SV2B: variants seen among roughly 807,000 people sequenced by gnomAD.
SV2B encodes synaptic vesicle glycoprotein 2B.
In SV2B, 41 loss-of-function variants were observed where a neutral mutation model predicts 73.9. That is an observed-to-expected ratio of 0.56 (90% CI 0.43 to 0.72). SV2B has a LOEUF of 0.72. SV2B is among the 30% of genes least tolerant of loss of function. The probability of loss-of-function intolerance (pLI) is 0.00; values close to 1 mark genes in which losing one functional copy is unlikely to be tolerated. For missense variants in SV2B, 764 were observed against 857.8 expected, an observed-to-expected ratio of 0.89 and a Z score of 1.37; for synonymous variants, 314 against 314.2, an observed-to-expected ratio of 1.00 and a Z score of 0.01.
At position 91,281,832 on chromosome 15, in the gene SV2B, C is replaced by T. The variant is rs1401913413; in HGVS notation, c.1478C>T (p.Thr493Ile). ...TSTDTYFKNC[T>I]IESTIFYNTD... ...ACAGATACCTACTTCAAAAATTGTA[C>T]CATTGAATCAACCATCTTTTACAAC... The change falls in exon 10 of 13, where the codon ACC (threonine) becomes ATC (isoleucine). Residue 493 changes from threonine (T) to isoleucine (I), a missense_variant. Transcript: ENST00000394232. This position sits in a 1 kb window ranked among gnomAD's most constrained non-coding sequence, Gnocchi z 4.7. The T allele has an allele frequency of 6.2e-7, 1 of 1,612,664 alleles. No individual in the cohort carries two copies.
At chr15:91,178,568 G>A (rs1043785920) in intron 1 of SV2B, among the ~76,000 whole-genome samples, 1 of 152,162 alleles carries the variant, frequency 6.6e-6, no homozygotes, top group Non-Finnish European at 1.5e-5. Flanking sequence ...CACAATTTCA[G>A]ATCCTGTTAT....
intron 1 of SV2B, among the ~76,000 whole-genome samples, chr15:91,188,470 C>T (rs560253500): frequency 2.6e-5 from 4 of 152,138 alleles, no homozygotes; most frequent in South Asian, 2.1e-4. Flanking sequence ...CCTGCCACCA[C>T]GCCTGGCTAA....
In SV2B at chr15:91,124,777, C is replaced by T. The variant is rs2042429655; in HGVS notation, c.-392+24414C>T. ...CAAGCGATTCTTGAGCCTCAGCATC[C>T]CAAGTAACTGGGACTACAGGCATGA... is the stretch of plus-strand genomic sequence containing the variant. On this transcript the variant is annotated intron_variant, in intron 1 of 12. Coordinates refer to ENST00000394232, the MANE Select transcript of SV2B (RefSeq NM_001323032.3). This position sits in a 1 kb window ranked among gnomAD's most constrained non-coding sequence, Gnocchi z 4.6. Among the ~76,000 whole-genome samples the T allele has an allele frequency of 6.6e-6, 1 of 152,092 alleles. No homozygotes were observed. Among genetic ancestry groups the T allele is most frequent in the Non-Finnish European group, 1.5e-5 (1 of 68,026 alleles).
chr15:91,133,854 A>G (rs767845947), intron 1 of SV2B, among the ~76,000 whole-genome samples: 20 of 152,090 alleles, frequency 1.3e-4, no homozygotes, highest in Non-Finnish European at 2.2e-4. Context: ...CAGTGCACTT[A>G]TGGTGATCAC....
intron 1 of SV2B, among the ~76,000 whole-genome samples, chr15:91,179,494 G>A (rs1596531635): frequency 6.6e-6 from 1 of 152,206 alleles, no homozygotes; most frequent in Non-Finnish European, 1.5e-5. Context: ...ACAGTGGGCT[G>A]TTAAAGTTTC....
At chr15:91,174,942 A>T (rs917541477) in intron 1 of SV2B, among the ~76,000 whole-genome samples, 1 of 152,162 alleles carries the variant, frequency 6.6e-6, no homozygotes. Flanking sequence ...CATAGAAGAG[A>T]TGCCAAGGGG....
intron 1 of SV2B, among the ~76,000 whole-genome samples, chr15:91,213,052 C>A (rs2141433273): frequency 6.6e-6 from 1 of 151,512 alleles, no homozygotes; most frequent in South Asian, 2.1e-4. Context: ...GCTTGGGAGG[C>A]TGAGGCAAGA....
chr15:91,181,357 T>C (rs868234206), intron 1 of SV2B, among the ~76,000 whole-genome samples: 1 of 152,120 alleles, frequency 6.6e-6, no homozygotes, highest in African/African-American at 2.4e-5. Context: ...AGGGACCCAC[T>C]TGAGGAGGCA....
In SV2B at chr15:91,199,659, T is replaced by C. The variant is rs555823944; in HGVS notation, c.-391-26214T>C. 2.6e-5 allele frequency among the ~76,000 whole-genome samples: 4 copies of C among 152,182 alleles called. No individual in the cohort carries two copies. The South Asian group carries it at 8.3e-4, about 32-fold the overall frequency. On this transcript the variant is annotated intron_variant, in intron 1 of 12. Transcript: ENST00000394232. ...GCCGTTGAAGCAGAATCACAGGTAG[T>C]AGGAGCTGAGAGGGACCATCAGGAG... is the stretch of plus-strand genomic sequence containing the variant.
At chr15:91,187,362 A>G (rs1375966900) in intron 1 of SV2B, among the ~76,000 whole-genome samples, 4 of 152,202 alleles carry the variant, frequency 2.6e-5, no homozygotes, top group Admixed American at 6.5e-5. Flanking sequence ...CTCACATTTA[A>G]TCGATAATTT....
In SV2B at chr15:91,137,972, T is replaced by G. The variant is rs2042892928; in HGVS notation, c.-392+37609T>G. Among the ~76,000 whole-genome samples, 1 of 152,002 alleles carries G rather than the reference T, an allele frequency of 6.6e-6. No homozygotes were observed. The highest frequency in any genetic ancestry group is 1.5e-5 in the Non-Finnish European group (1 of 68,008). ...TTATAGAAGTATTCCAGCTGACAAA[T>G]GAAAAAACAGTGACAGAATTGGAAT... On this transcript the variant is annotated intron_variant, in intron 1 of 12. Transcript: ENST00000394232. This position sits in a 1 kb window ranked among gnomAD's most constrained non-coding sequence, Gnocchi z 4.9.
intron 1 of SV2B, among the ~76,000 whole-genome samples, chr15:91,168,960 T>C (rs1363893819): frequency 6.6e-6 from 1 of 152,238 alleles, no homozygotes; most frequent in Non-Finnish European, 1.5e-5. Flanking sequence ...GTGATTCTTC[T>C]TATCTGCAGA....
intron 2 of SV2B, among the ~76,000 whole-genome samples, chr15:91,228,034 A>AT (rs1486196619): frequency 5.3e-5 from 8 of 152,226 alleles, no homozygotes; most frequent in Non-Finnish European, 1.2e-4. Context: ...AGTGGGCCAG[A>AT]TTTAGCCTGC....
chr15:91,233,105 C>T lies in SV2B; in HGVS notation c.451+6391C>T, dbSNP rs530621560. On this transcript the variant is annotated intron_variant, in intron 2 of 12. Coordinates refer to ENST00000394232, the MANE Select transcript of SV2B (RefSeq NM_001323032.3). ...GCACCACCTTTTCTTTATCCAATCC[C>T]CCGTTGATGGGCACTTATGTTGATT... Among the ~76,000 whole-genome samples the T allele has an allele frequency of 6.2e-4, 95 of 152,210 alleles. 1 individual carries two copies. The highest frequency in any genetic ancestry group is 1.8e-3 in the African/African-American group (76 of 41,532).
rs535969641 is a variant in SV2B, at chr15:91,292,842, C to T, written c.*290C>T. 2.4e-5 allele frequency: 6 copies of T among 252,902 alleles called. No homozygotes were observed. Among genetic ancestry groups the T allele is most frequent in the Admixed American group, 1.6e-4 (3 of 18,420 alleles). 15.7% of individuals were successfully genotyped at this position (252,902 alleles called of 1,614,324 possible). On this transcript the variant is annotated 3_prime_UTR_variant, in exon 13 of 13. Transcript: ENST00000394232. ...TTCTCCAGTGAGTGCACACACTATG[C>T]GAGGAGCAAGCATTTCTCTAAGTCA...
intron 1 of SV2B, among the ~76,000 whole-genome samples, chr15:91,199,190 A>G (rs2141378338): frequency 6.6e-6 from 1 of 152,258 alleles, no homozygotes; most frequent in Non-Finnish European, 1.5e-5. Flanking sequence ...AAAATCATGT[A>G]AACTATAGAG....
At chr15:91,195,998 T>C (rs1316743012) in intron 1 of SV2B, among the ~76,000 whole-genome samples, 1 of 152,248 alleles carries the variant, frequency 6.6e-6, no homozygotes, top group East Asian at 1.9e-4. Flanking sequence ...AAAAAAATTC[T>C]GCAGGCAGGA....
At chr15:91,153,848 T>G (rs1276737856) in intron 1 of SV2B, among the ~76,000 whole-genome samples, 1 of 152,006 alleles carries the variant, frequency 6.6e-6, no homozygotes, top group Admixed American at 6.6e-5. Context: ...ACACAACATC[T>G]GCCAAGAGTC....
rs560427355 is a variant in SV2B at position 91,217,168 on chromosome 15, C to T, written c.-391-8705C>T. ...CTGGGATTCCAGGTGTGAGCCACCG[C>T]GCCTGGCCCTGAATAACTATTAACT... On this transcript the variant is annotated intron_variant, in intron 1 of 12. Transcript: ENST00000394232. Among the ~76,000 whole-genome samples, 21 of 152,296 alleles carry T rather than the reference C, an allele frequency of 1.4e-4. No individual in the cohort carries two copies. In the South Asian group the frequency reaches 2.1e-3, roughly 15 times the overall value.
Sources: allele counts gnomAD v4.1 joint callset (sites outside exome capture counted in the v4.1 genomes callset), GRCh38; gene constraint gnomAD v4.1.1; non-coding constraint Gnocchi (gnomAD v3.1); transcripts MANE v1.5; gene names NCBI Gene and HGNC (gene_info 2026-07-23, HGNC 2026-07-21).